The following LNX1 variants were observed in gnomAD, a reference collection of about 807,000 sequenced individuals.
LNX1 encodes ligand of numb-protein X 1, also known as E3 ubiquitin-protein ligase LNX.
In LNX1, 54 loss-of-function variants were observed where a neutral mutation model predicts 68.4. The ratio of observed to expected loss-of-function variants is 0.79; its 90% CI spans 0.63 to 0.99. The LOEUF (loss-of-function observed/expected upper bound fraction) is 0.99, where lower values mean the gene tolerates loss of function less well. Ranked by LOEUF, LNX1 falls within the 50% of genes least tolerant of loss-of-function variation. The pLI is 0.00. For missense variants in LNX1, 906 were observed against 926.4 expected (o/e 0.98, Z 0.29); for synonymous variants, 336 against 350.0 (o/e 0.96, Z 0.45).
intron 1 of LNX1, among the ~76,000 whole-genome samples, chr4:53,584,421 A>G (rs1732034730): frequency 6.6e-6 from 1 of 152,250 alleles, no homozygotes; most frequent in East Asian, 1.9e-4. Context: ...AAGAGAATAC[A>G]TAATACATGG....
chr4:53,610,683 G>A (rs915776681), intron 2 of LNX1, among the ~76,000 whole-genome samples: 1 of 135,776 alleles, frequency 7.4e-6, no homozygotes. Flanking sequence ...ACTCCAGCCT[G>A]GGCGACAGAG....
In LNX1 at chr4:53,507,463, G is replaced by A; in HGVS notation, c.629C>T (p.Pro210Leu). Residue 210 changes from proline to leucine, a missense_variant, in exon 4 of 11, where the codon CCC (proline) becomes CTC (leucine). Pro to Leu is a moderately conservative substitution (Grantham distance 98, BLOSUM62 -3). Transcript: ENST00000263925. ...SGRSNRTRAR[P>L]FERSTIRSRS... ...GCTTCTAATAGTGGATCTCTCAAAG[G>A]GCCGTGCTGAGGAATAGCGACAGGA... The A allele has an allele frequency of 6.2e-7, 1 of 1,613,946 alleles. No individual in the cohort carries two copies. The highest frequency in any genetic ancestry group is 8.5e-7 in the Non-Finnish European group (1 of 1,179,884).
chr4:53,631,661 G>A (rs1277115722), intron 1 of LNX1, among the ~76,000 whole-genome samples: 7 of 152,022 alleles, frequency 4.6e-5, no homozygotes, highest in South Asian at 4.1e-4. Context: ...TAAGACCATC[G>A]ATCAGAATTT....
chr4:53,640,859 G>T lies in LNX1; in HGVS notation c.-215+11309C>A, dbSNP rs184493568. The stretch of plus-strand genomic sequence containing the variant: ...ACAAGAGGTTTTGAAAATGAAGCTG[G>T]GTTTCAGGTTCGACTCACATGAGCT... On this transcript the variant is annotated intron_variant, in intron 1 of 2. Transcript: ENST00000507168. Among the ~76,000 whole-genome samples the T allele has an allele frequency of 1.5e-3, 226 of 152,328 alleles. 1 individual carries two copies. The highest frequency in any genetic ancestry group is 0.011 in the Admixed American group (163 of 15,310).
At chr4:53,608,163 C>T (rs1042709781) in intron 2 of LNX1, among the ~76,000 whole-genome samples, 3 of 152,124 alleles carry the variant, frequency 2.0e-5, no homozygotes, top group Non-Finnish European at 1.5e-5. Context: ...AAGAAGTGAT[C>T]AACAGAGTAA....
At chr4:53,601,104 A>AGGGGGGGG (rs1291545950) in intron 2 of LNX1, among the ~76,000 whole-genome samples, 1 of 9,676 alleles carries the variant, frequency 1.0e-4, no homozygotes, top group Non-Finnish European at 2.3e-4. Flanking sequence ...GGAGGGAGGG[A>AGGGGGGGG]GGGGGGGAGG....
At chr4:53,593,819 GTATCATTGCTATTTGCATTC>G (rs1324065803), upstream of LNX1, 1 of 152,184 alleles carries the variant, frequency 6.6e-6, no homozygotes, top group Non-Finnish European at 1.5e-5. Flanking sequence ...CCTGTGTCAG[GTATCATTGCTATTTGCATTC>G]TACAGCTGGG....
chr4:53,644,727 G>T lies in LNX1; in HGVS notation c.-215+7441C>A, dbSNP rs148731887. On this transcript the variant is annotated intron_variant, in intron 1 of 2. Coordinates refer to the LNX1 transcript ENST00000507168. Reference sequence around the variant, plus strand: ...ACCCCAGCACCAGCAGGGCCTCCTTGCCAGATGGCCAGGCAGAGACTGGGA... The same window carrying T: ...ACCCCAGCACCAGCAGGGCCTCCTTTCCAGATGGCCAGGCAGAGACTGGGA... Among the ~76,000 whole-genome samples the T allele has an allele frequency of 8.3e-3, 1,262 of 152,262 alleles. 18 individuals are homozygous for T. Among genetic ancestry groups the T allele is most frequent in the African/African-American group, 0.025 (1,055 of 41,562 alleles).
chr4:53,545,801 C>CT (rs1560657367), intron 2 of LNX1, among the ~76,000 whole-genome samples: 5 of 116,800 alleles, frequency 4.3e-5, no homozygotes, highest in African/African-American at 1.3e-4. Context: ...TCAGAGGCCA[C>CT]ATTTTTTTTT....
In LNX1 at chr4:53,461,052, A is replaced by AAAAC. The variant is rs954230639; in HGVS notation, c.2052-14_2052-11dup. ...AAGAATATCACCACATCTAAAAAAA[A>AAAAC]AAACAAAACAAGATATGATTAGTAT... On this transcript the variant is annotated splice_polypyrimidine_tract_variant and intron_variant, in intron 10 of 10. Transcript: ENST00000263925. The AAAAC allele has an allele frequency of 3.2e-6, 5 of 1,550,142 alleles. No homozygotes were observed. Among genetic ancestry groups the AAAAC allele is most frequent in the Middle Eastern group, 1.7e-4 (1 of 5,784 alleles).
rs1364922762 is a variant in LNX1, at chr4:53,481,714, C to T, written c.1485+6G>A. On this transcript the variant is annotated splice_donor_region_variant and intron_variant, in intron 7 of 10. Coordinates refer to ENST00000263925, the MANE Select transcript of LNX1 (RefSeq NM_001126328.3). ...AGGAGCAGGCGACCTGCCCTAGAGG[C>T]CTCACCTTGGGAGTGTTGCTCCTCT... is the stretch of plus-strand genomic sequence containing the variant. The T allele has an allele frequency of 2.5e-6, 4 of 1,612,942 alleles. No individual in the cohort carries two copies. The South Asian group carries it at 4.4e-5, about 18-fold the overall frequency.
chr4:53,581,385 T>C (rs116839884), intron 1 of LNX1, among the ~76,000 whole-genome samples: 2,712 of 152,334 alleles, frequency 0.018, 98 homozygotes, highest in African/African-American at 0.061. Context: ...TTTGTTTTCC[T>C]GGCTTTAAAG....
intron 1 of LNX1, among the ~76,000 whole-genome samples, chr4:53,580,877 T>C (rs1209447873): frequency 2.0e-5 from 3 of 152,156 alleles, no homozygotes; most frequent in African/African-American, 7.2e-5. Context: ...TGTACCAACA[T>C]AGTAAATAAC....
chr4:53,567,383 T>C (rs1730773964), intron 2 of LNX1, among the ~76,000 whole-genome samples: 1 of 149,666 alleles, frequency 6.7e-6, no homozygotes, highest in Non-Finnish European at 1.5e-5. Context: ...AACAACCTGC[T>C]CCTGAATGAC....
intron 2 of LNX1, among the ~76,000 whole-genome samples, chr4:53,603,162 T>A (rs557036850): frequency 6.6e-6 from 1 of 152,296 alleles, no homozygotes; most frequent in East Asian, 1.9e-4. Context: ...AGGCAGCAAA[T>A]AAATCAGCCC....
intron 9 of LNX1, among the ~76,000 whole-genome samples, chr4:53,469,379 G>C (rs903631048): frequency 2.6e-5 from 4 of 152,112 alleles, no homozygotes; most frequent in African/African-American, 9.7e-5. Flanking sequence ...ATGCTCACAA[G>C]AGAAAGCAGG....
intron 1 of LNX1, among the ~76,000 whole-genome samples, chr4:53,634,141 C>T (rs1298202419): frequency 6.6e-6 from 1 of 152,100 alleles, no homozygotes; most frequent in Non-Finnish European, 1.5e-5. Flanking sequence ...ACACATTAGC[C>T]TTGTGCACCC....
chr4:53,611,402 G>T (rs1471832707), intron 2 of LNX1, among the ~76,000 whole-genome samples: 2 of 152,236 alleles, frequency 1.3e-5, no homozygotes, highest in East Asian at 3.9e-4. Flanking sequence ...TCTACAAATT[G>T]ATTATGTGTG....
intron 2 of LNX1, among the ~76,000 whole-genome samples, chr4:53,611,599 A>G (rs1358587338): frequency 6.6e-6 from 1 of 152,182 alleles, no homozygotes; most frequent in Non-Finnish European, 1.5e-5. Context: ...AACTGTCTAT[A>G]AACCCATCGT....
Sources: allele counts gnomAD v4.1 joint callset (sites outside exome capture counted in the v4.1 genomes callset), GRCh38; gene constraint gnomAD v4.1.1; transcripts MANE v1.5; gene names NCBI Gene and HGNC (gene_info 2026-07-23, HGNC 2026-07-21).